BLK: variants seen among roughly 807,000 people sequenced by gnomAD.
BLK encodes the protein tyrosine-protein kinase Blk.
BLK carries 64 observed loss-of-function variants against 61.8 expected under a neutral mutation model. The observed-to-expected ratio is 1.03, with a 90% CI of 0.85 to 1.27. BLK has a LOEUF of 1.27. Among genes scored for constraint, BLK ranks in the 50% most tolerant of loss-of-function variants. The pLI is 0.00. For missense variants in BLK, 853 were observed against 660.5 expected (o/e 1.29, Z -3.19); for synonymous variants, 351 against 272.0 (o/e 1.29, Z -2.86).
intron 3 of BLK, among the ~76,000 whole-genome samples, chr8:11,546,390 A>T (rs1800643908): frequency 6.6e-6 from 1 of 152,234 alleles, no homozygotes; most frequent in Non-Finnish European, 1.5e-5. Flanking sequence ...ACACAGCATC[A>T]TCAAACCCAA....
At chr8:11,553,023 C>T (rs563174964) in intron 6 of BLK, 13 of 159,098 alleles carry the variant, frequency 8.2e-5, no homozygotes, top group Non-Finnish European at 1.8e-4. Context: ...CACATATACA[C>T]ACACACGCAC....
chr8:11,503,468 C>T (rs1268347760), intron 1 of BLK, among the ~76,000 whole-genome samples: 1 of 152,194 alleles, frequency 6.6e-6, no homozygotes, highest in Non-Finnish European at 1.5e-5. Context: ...TCACCTGCCC[C>T]TGTGTCAGGT....
chr8:11,550,521 G>C (rs1307145797), intron 6 of BLK, among the ~76,000 whole-genome samples: 1 of 152,278 alleles, frequency 6.6e-6, no homozygotes, highest in Non-Finnish European at 1.5e-5. Context: ...GACTGGCCCT[G>C]CTGCCCAGTC....
chr8:11,553,361 A>C (rs1235427791), intron 6 of BLK: 1 of 450,042 alleles, frequency 2.2e-6, no homozygotes. Context: ...AGGGCAGTCC[A>C]GACATACCAC....
chr8:11,557,825 C>T (rs1419595671), intron 9 of BLK, 137 bp from the exon 10 acceptor site: 2 of 730,512 alleles, frequency 2.7e-6, no homozygotes, highest in Non-Finnish European at 2.4e-6. Flanking sequence ...GTAGATCCTT[C>T]CTGATGCACC....
At chr8:11,544,271 T>C (rs907583779) in intron 2 of BLK, among the ~76,000 whole-genome samples, 4 of 152,180 alleles carry the variant, frequency 2.6e-5, no homozygotes, top group Non-Finnish European at 5.9e-5. Context: ...GGCCTGAAGA[T>C]ACATTTTTAG....
chr8:11,562,976 C>G lies in BLK; in HGVS notation c.1181-3C>G. 1 of 1,614,062 alleles carries G rather than the reference C, an allele frequency of 6.2e-7. No homozygotes were observed. The highest frequency in any genetic ancestry group is 8.5e-7 in the Non-Finnish European group (1 of 1,180,016). On this transcript the variant is annotated splice_polypyrimidine_tract_variant and splice_region_variant and intron_variant, in intron 11 of 12. Transcript: ENST00000259089. ...CCCAAAGCTTGCATGGCTTTTCCCA[C>G]AGGGGCCAAGTTCCCCATCAAGTGG...
chr8:11,523,292 A>T (rs1264420832), intron 1 of BLK, among the ~76,000 whole-genome samples: 1 of 152,200 alleles, frequency 6.6e-6, no homozygotes, highest in Non-Finnish European at 1.5e-5. Flanking sequence ...GGTGGCTCAC[A>T]CCTGTAATCC....
chr8:11,522,200 T>C (rs931400241), intron 1 of BLK, among the ~76,000 whole-genome samples: 3 of 152,180 alleles, frequency 2.0e-5, no homozygotes, highest in African/African-American at 7.2e-5. Context: ...AAAAAAAAAC[T>C]ACATTTTTCT....
At chr8:11,542,644 T>A (rs1279621273) in intron 1 of BLK, among the ~76,000 whole-genome samples, 1 of 152,192 alleles carries the variant, frequency 6.6e-6, no homozygotes, top group Admixed American at 6.5e-5. Flanking sequence ...TCTTCCCCCC[T>A]TTAAGGAGAC....
At chr8:11,555,808 C>T in intron 8 of BLK, 1 of 409,166 alleles carries the variant, frequency 2.4e-6, no homozygotes, top group Non-Finnish European at 4.7e-6. Context: ...CTTAGCTTTT[C>T]ATCACCCAGA....
intron 1 of BLK, among the ~76,000 whole-genome samples, chr8:11,520,588 G>T (rs1411445460): frequency 2.7e-5 from 4 of 150,768 alleles, no homozygotes; most frequent in Admixed American, 2.6e-4. Context: ...AAAGCTTGTT[G>T]TAACCTAAAG....
intron 1 of BLK, among the ~76,000 whole-genome samples, chr8:11,532,013 C>A (rs1441546713): frequency 6.6e-6 from 1 of 152,072 alleles, no homozygotes; most frequent in Non-Finnish European, 1.5e-5. Context: ...CACCTGCCAC[C>A]AAACCCAGCT....
chr8:11,555,301 C>T, intron 7 of BLK, 31 bp from the exon 8 acceptor site: 1 of 1,613,774 alleles, frequency 6.2e-7, no homozygotes, highest in Non-Finnish European at 8.5e-7. Flanking sequence ...CTCTGGTAAC[C>T]CCCAGCCCTG....
intron 4 of BLK, 94 bp from the exon 5 acceptor site, chr8:11,548,930 C>G (rs1307435105): frequency 1.8e-6 from 2 of 1,140,570 alleles, no homozygotes; most frequent in South Asian, 1.3e-5. Context: ...TCTCTGCCCT[C>G]CAGGGAGAGA....
chr8:11,545,034 T>G (rs1471084520), intron 2 of BLK, among the ~76,000 whole-genome samples: 5 of 152,208 alleles, frequency 3.3e-5, no homozygotes, highest in African/African-American at 9.7e-5. Flanking sequence ...ACATATGTAT[T>G]ACCCCTAAAC....
chr8:11,504,014 G>A (rs1220573826), intron 1 of BLK, among the ~76,000 whole-genome samples: 8 of 152,138 alleles, frequency 5.3e-5, no homozygotes, highest in Non-Finnish European at 1.0e-4. Context: ...TGGAGCTTAG[G>A]TCCTGGCTTT....
chr8:11,509,352 A>T (rs1398239763), intron 1 of BLK: 1 of 152,194 alleles, frequency 6.6e-6, no homozygotes, highest in Non-Finnish European at 1.5e-5. Flanking sequence ...TGCCCTGGAC[A>T]GGTCATTGAT....
At chr8:11,525,191 A>T (rs774341042) in intron 1 of BLK, among the ~76,000 whole-genome samples, 7 of 152,238 alleles carry the variant, frequency 4.6e-5, no homozygotes, top group Non-Finnish European at 7.3e-5. Context: ...AGGCACACAG[A>T]CGTATTTGCT....
Sources: gnomAD v4.1 joint callset for allele counts (sites outside exome capture counted in the v4.1 genomes callset) on GRCh38, gnomAD v4.1.1 for gene constraint, MANE v1.5 for transcripts, NCBI Gene and HGNC (gene_info 2026-07-23, HGNC 2026-07-21) for gene names.